BAIAP2: variants seen among roughly 807,000 people sequenced by gnomAD.
BAIAP2 encodes BAR/IMD domain-containing adapter protein 2.
A neutral mutation model predicts 63.0 loss-of-function variants in BAIAP2; 18 were observed. The observed-to-expected ratio is 0.29, with a 90% CI of 0.20 to 0.42. BAIAP2 has a LOEUF of 0.42. BAIAP2 is among the 10% of genes least tolerant of loss of function. The pLI, the probability that BAIAP2 is intolerant of heterozygous loss-of-function variation, is 1.00. For synonymous variants in BAIAP2, 386 were observed against 307.6 expected (o/e 1.25, Z -2.67); for missense variants, 610 against 734.3 (o/e 0.83, Z 1.96).
intron 13 of BAIAP2, among the ~76,000 whole-genome samples, chr17:81,112,743 T>C (rs972778027): frequency 5.9e-5 from 9 of 152,166 alleles, no homozygotes; most frequent in Non-Finnish European, 2.9e-5. Flanking sequence ...TGCTTCACAT[T>C]CAAGTCATTG....
intron 3 of BAIAP2, among the ~76,000 whole-genome samples, chr17:81,063,371 GT>G (rs2050921423): frequency 6.6e-6 from 1 of 152,186 alleles, no homozygotes; most frequent in African/African-American, 2.4e-5. Context: ...GGATGCCTTC[GT>G]TTTCACTGCT....
At chr17:81,086,370 G>A in intron 5 of BAIAP2, 73 bp from the exon 6 acceptor site, 1 of 1,573,382 alleles carries the variant, frequency 6.4e-7, no homozygotes, top group Non-Finnish European at 8.7e-7. Context: ...ATGGGCCTCG[G>A]TTTTGCTGCC....
intron 3 of BAIAP2, among the ~76,000 whole-genome samples, chr17:81,072,489 T>C (rs182326469): frequency 1.5e-4 from 23 of 152,280 alleles, no homozygotes; most frequent in Admixed American, 1.4e-3. Context: ...GAGCAGACGA[T>C]CTGCTCCAGG....
rs972654505 is a variant in BAIAP2, at chr17:81,116,551, C to T, written c.*712C>T. On this transcript the variant is annotated 3_prime_UTR_variant, in exon 14 of 14. Coordinates refer to ENST00000428708, the MANE Select transcript of BAIAP2 (RefSeq NM_001144888.2). Reference sequence around the variant, plus strand: ...GCTCCTGCGGCCAAAGGCCAGCTGTCAGGTGCTATGCGGGGTCACCAGCAG... The same window carrying T: ...GCTCCTGCGGCCAAAGGCCAGCTGTTAGGTGCTATGCGGGGTCACCAGCAG... The T allele has an allele frequency of 7.9e-5, 45 of 567,812 alleles. No homozygotes were observed. The highest frequency in any genetic ancestry group is 1.2e-4 in the Non-Finnish European group (37 of 319,778). 35.2% of individuals were successfully genotyped at this position (567,812 alleles called of 1,614,324 possible).
At chr17:81,099,900 C>T (rs768663943) in intron 6 of BAIAP2, 28 bp from the exon 7 acceptor site, 4 of 1,605,434 alleles carry the variant, frequency 2.5e-6, no homozygotes, top group South Asian at 2.2e-5. Flanking sequence ...CCATCGCTGG[C>T]TGAGCCTTTC....
chr17:81,055,328 T>C (rs2049294546), intron 2 of BAIAP2, among the ~76,000 whole-genome samples: 1 of 152,056 alleles, frequency 6.6e-6, no homozygotes, highest in Non-Finnish European at 1.5e-5. Flanking sequence ...GCCTGCCACA[T>C]CTAGTTGGGG....
At chr17:81,114,298 G>C (rs1321793734) in intron 13 of BAIAP2, among the ~76,000 whole-genome samples, 6 of 151,954 alleles carry the variant, frequency 3.9e-5, no homozygotes, top group African/African-American at 1.5e-4. Context: ...TCTCCCCAGA[G>C]CTCCCTCCGG....
chr17:81,071,312 T>C (rs1305911608), intron 3 of BAIAP2, among the ~76,000 whole-genome samples: 1 of 152,070 alleles, frequency 6.6e-6, no homozygotes, highest in Non-Finnish European at 1.5e-5. Context: ...GGGGCTCTGA[T>C]AGCAAGATGT....
intron 6 of BAIAP2, among the ~76,000 whole-genome samples, chr17:81,095,836 G>A (rs1274665018): frequency 6.6e-6 from 1 of 152,164 alleles, no homozygotes; most frequent in African/African-American, 2.4e-5. Flanking sequence ...GTAAGTGGAA[G>A]ACTTAAAAAT....
Position 81,106,093 on chromosome 17 carries a change from C to G in BAIAP2, c.1284C>G (p.Pro428=), listed in dbSNP as rs2059151976. ...TCTCTTCCAGGCGGGGCTGGTTTCCCTTCTCCTACACCCGGGTCTTGGACA... is the reference window on the plus strand; with the variant it reads ...TCTCTTCCAGGCGGGGCTGGTTTCCGTTCTCCTACACCCGGGTCTTGGACA... ...SEKTKMRGWF[P]FSYTRVLDSD... is the part of the protein sequence containing the mutation. Residue 428 remains proline (P), a synonymous_variant, in exon 11 of 14, where the codon CCC becomes CCG. Coordinates refer to ENST00000428708, the MANE Select transcript of BAIAP2 (RefSeq NM_001144888.2). 6.3e-7 allele frequency: 1 copy of G among 1,580,400 alleles called. No homozygotes were observed. The highest frequency in any genetic ancestry group is 1.3e-5 in the African/African-American group (1 of 74,488).
chr17:81,104,706 A>C lies in BAIAP2; in HGVS notation c.1259A>C (p.Lys420Thr). Residue 420 changes from lysine to threonine, a missense_variant, in exon 10 of 14, where the codon AAG becomes ACG. By Grantham distance (78) the Lys-to-Thr change is moderately conservative. This residue lies in a region of BAIAP2 where 67 missense variants were observed against 132.0 expected (regional missense o/e 0.51). Transcript: ENST00000428708. ...GGCTGGCACTACGGAGAGAGTGAGAAGACCAAGATGTGAGTGTTTCTCGGG... is the reference window on the plus strand; with the variant it reads ...GGCTGGCACTACGGAGAGAGTGAGACGACCAAGATGTGAGTGTTTCTCGGG... ...RDGWHYGESEKTKMRGWFPFS... is the reference protein window; with the variant it reads ...RDGWHYGESETTKMRGWFPFS... 1 of 1,583,604 alleles carries C rather than the reference A, an allele frequency of 6.3e-7. No homozygotes were observed. The highest frequency in any genetic ancestry group is 2.3e-5 in the East Asian group (1 of 43,214).
chr17:81,082,701 C>G (rs1568132895), intron 3 of BAIAP2, among the ~76,000 whole-genome samples: 1 of 152,198 alleles, frequency 6.6e-6, no homozygotes, highest in Non-Finnish European at 1.5e-5. Flanking sequence ...GAGCGTTCGG[C>G]TTTGGGAACA....
chr17:81,085,639 T>A lies in BAIAP2; in HGVS notation c.280-15T>A. 6.2e-7 allele frequency: 1 copy of A among 1,612,160 alleles called. No homozygotes were observed. Among genetic ancestry groups the A allele is most frequent in the Non-Finnish European group, 8.5e-7 (1 of 1,178,524 alleles). ...GTTGGAGCTGACGGCTGATGTGTTT[T>A]CTCTCCATGTCCAGCTGAAGTCTTT... On this transcript the variant is annotated splice_polypyrimidine_tract_variant and intron_variant, in intron 4 of 13. Coordinates refer to ENST00000428708, the MANE Select transcript of BAIAP2 (RefSeq NM_001144888.2).
In BAIAP2 at chr17:81,108,319, C is replaced by CT. The variant is rs540272067; in HGVS notation, c.1501-155dup. The CT allele has an allele frequency of 2.9e-5, 22 of 753,392 alleles. No individual in the cohort carries two copies. In the East Asian group the frequency reaches 3.8e-4, roughly 13 times the overall value. 46.7% of individuals were successfully genotyped at this position (753,392 alleles called of 1,614,324 possible). A position where few individuals can be genotyped will look rare whatever the true frequency, so the allele number is the denominator to read the frequency against. ...TGGGACCAGGGCTCCAGGCAGGTCT[C>CT]TGAGTGCTGCAGCCAGGAGATGGGG... On this transcript the variant is annotated intron_variant, in intron 12 of 13. Transcript: ENST00000428708.
intron 1 of BAIAP2, among the ~76,000 whole-genome samples, chr17:81,043,998 A>G (rs1360878529): frequency 6.6e-6 from 1 of 152,226 alleles, no homozygotes; most frequent in East Asian, 1.9e-4. Context: ...AAAGTTCTTC[A>G]GAGATCAGAG....
intron 1 of BAIAP2, among the ~76,000 whole-genome samples, chr17:81,037,565 G>A (rs1021204741): frequency 1.3e-5 from 2 of 152,246 alleles, no homozygotes; most frequent in African/African-American, 2.4e-5. Flanking sequence ...TGAGGCCACC[G>A]GTGTGCACTC....
intron 5 of BAIAP2, 54 bp downstream of exon 5, chr17:81,085,779 C>A (rs2055501812): frequency 7.0e-7 from 1 of 1,418,962 alleles, no homozygotes; most frequent in South Asian, 1.2e-5. Context: ...TCCGGCTCTC[C>A]CAAATGCCTG....
At chr17:81,074,224 A>C (rs549858151) in intron 3 of BAIAP2, among the ~76,000 whole-genome samples, 20 of 152,348 alleles carry the variant, frequency 1.3e-4, no homozygotes, top group African/African-American at 3.8e-4. Context: ...GGGCAGCATC[A>C]CATTGTCTGA....
chr17:81,089,220 T>C (rs1013028915), intron 6 of BAIAP2, among the ~76,000 whole-genome samples: 8 of 152,236 alleles, frequency 5.3e-5, no homozygotes, highest in African/African-American at 9.6e-5. Context: ...TTGAGGTCTG[T>C]TGGGGGACCA....
Sources: gnomAD v4.1 joint callset for allele counts (sites outside exome capture counted in the v4.1 genomes callset) on GRCh38, gnomAD v4.1.1 for gene constraint, gnomAD v4.1.1 regional missense constraint, MANE v1.5 for transcripts, NCBI Gene and HGNC (gene_info 2026-07-23, HGNC 2026-07-21) for gene names.